FBXW7: variants seen among roughly 807,000 people sequenced by gnomAD.
FBXW7 encodes F-box/WD repeat-containing protein 7.
A neutral mutation model predicts 86.3 loss-of-function variants in FBXW7; 11 were observed. The observed-to-expected ratio is 0.13, with a 90% CI of 0.08 to 0.21. The LOEUF is 0.21. Among genes scored for constraint, FBXW7 ranks in the 10% least tolerant of loss-of-function variants. The pLI is 1.00. For synonymous variants in FBXW7, 313 were observed against 297.9 expected (o/e 1.05, Z -0.52); for missense variants, 488 against 847.4 (o/e 0.58, Z 5.27).
intron 2 of FBXW7, among the ~76,000 whole-genome samples, chr4:152,449,773 T>C (rs1741740757): frequency 6.6e-6 from 1 of 152,234 alleles, no homozygotes; most frequent in Non-Finnish European, 1.5e-5. Context: ...CCTTTGCCAA[T>C]AATGCACAAA....
chr4:152,494,665 T>C (rs1746158854), intron 2 of FBXW7, among the ~76,000 whole-genome samples: 1 of 152,100 alleles, frequency 6.6e-6, no homozygotes. Context: ...GGAGAGTCTA[T>C]GTAAGGATGC....
chr4:152,480,122 T>C (rs1043109994), intron 2 of FBXW7, among the ~76,000 whole-genome samples: 4 of 152,194 alleles, frequency 2.6e-5, no homozygotes, highest in African/African-American at 9.6e-5. Context: ...AAAATAATGG[T>C]TTGTGCAACC....
intron 2 of FBXW7, among the ~76,000 whole-genome samples, chr4:152,475,810 G>A (rs1744344104): frequency 6.6e-6 from 1 of 152,126 alleles, no homozygotes; most frequent in Admixed American, 6.5e-5. Context: ...TCTGCATGCT[G>A]AAAACTATAA....
intron 6 of FBXW7, among the ~76,000 whole-genome samples, chr4:152,340,222 G>A (rs181745836): frequency 1.9e-4 from 29 of 152,112 alleles, no homozygotes; most frequent in African/African-American, 6.3e-4. Flanking sequence ...AATTTAAAAC[G>A]TCTCAATTTA....
At chr4:152,399,584 C>CA (rs921001135) in intron 4 of FBXW7, among the ~76,000 whole-genome samples, 2 of 150,332 alleles carry the variant, frequency 1.3e-5, no homozygotes, top group African/African-American at 2.4e-5. Context: ...AAAAATTGAC[C>CA]AAAAAAAAGC....
chr4:152,400,229 C>T (rs953864828), intron 4 of FBXW7, among the ~76,000 whole-genome samples: 3 of 152,134 alleles, frequency 2.0e-5, no homozygotes, highest in African/African-American at 7.2e-5. Context: ...ACCGAACATC[C>T]ACATGCAAAT....
intron 2 of FBXW7, among the ~76,000 whole-genome samples, chr4:152,420,689 G>C (rs887644949): frequency 3.9e-5 from 6 of 152,146 alleles, no homozygotes; most frequent in African/African-American, 1.2e-4. Flanking sequence ...GAGTTCTTGG[G>C]TTACCAGGTG....
At chr4:152,477,122 T>C (rs1466842962) in intron 2 of FBXW7, among the ~76,000 whole-genome samples, 1 of 151,852 alleles carries the variant, frequency 6.6e-6, no homozygotes, top group Admixed American at 6.6e-5. Flanking sequence ...AAACTGTCCT[T>C]CAACTCCAAC....
intron 4 of FBXW7, among the ~76,000 whole-genome samples, chr4:152,399,063 C>G (rs141532706): frequency 6.6e-6 from 1 of 152,078 alleles, no homozygotes; most frequent in Non-Finnish European, 1.5e-5. Context: ...AAAATTTATC[C>G]CCAGCTTTTT....
chr4:152,471,270 G>C (rs1162635140), intron 2 of FBXW7, among the ~76,000 whole-genome samples: 5 of 151,664 alleles, frequency 3.3e-5, no homozygotes, highest in South Asian at 4.2e-4. Context: ...GATAAATACT[G>C]TCACGATATT....
chr4:152,508,469 C>T (rs1418806406), intron 2 of FBXW7, among the ~76,000 whole-genome samples: 2 of 151,976 alleles, frequency 1.3e-5, no homozygotes, highest in Non-Finnish European at 2.9e-5. Context: ...CACAGGATGG[C>T]TTGAGTCCAG....
intron 2 of FBXW7, among the ~76,000 whole-genome samples, chr4:152,459,007 T>C (rs1002007754): frequency 1.3e-5 from 2 of 152,314 alleles, no homozygotes; most frequent in East Asian, 1.9e-4. Context: ...CCAACTGATA[T>C]AACTTGTAGA....
chr4:152,411,283 A>C lies in FBXW7; in HGVS notation c.501+20T>G. The C allele has an allele frequency of 6.4e-7, 1 of 1,551,684 alleles. No individual in the cohort carries two copies. The highest frequency in any genetic ancestry group is 8.7e-7 in the Non-Finnish European group (1 of 1,147,534). On this transcript the variant is annotated intron_variant, in intron 4 of 13. Transcript: ENST00000281708. Reference sequence around the variant, plus strand: ...GATATGTAAAGTTTCTCAGGTTAACAATATATTGAATATACTCACTTTTGT... The same window carrying C: ...GATATGTAAAGTTTCTCAGGTTAACCATATATTGAATATACTCACTTTTGT...
At chr4:152,484,333 C>T (rs1355553869) in intron 2 of FBXW7, among the ~76,000 whole-genome samples, 2 of 151,874 alleles carry the variant, frequency 1.3e-5, no homozygotes, top group Non-Finnish European at 2.9e-5. Context: ...AAAAAGTAAC[C>T]ATCAGCCTTT....
intron 2 of FBXW7, among the ~76,000 whole-genome samples, chr4:152,499,611 C>T (rs945522172): frequency 6.6e-6 from 1 of 152,064 alleles, no homozygotes; most frequent in South Asian, 2.1e-4. Context: ...CGGTGATATC[C>T]CCCTCCTTCC....
chr4:152,475,192 G>A (rs1744285492), intron 2 of FBXW7, among the ~76,000 whole-genome samples: 1 of 151,554 alleles, frequency 6.6e-6, no homozygotes, highest in Non-Finnish European at 1.5e-5. Flanking sequence ...TGTAATCCCA[G>A]TACAAGTGGG....
At chr4:152,405,654 C>A (rs1737362114) in intron 4 of FBXW7, among the ~76,000 whole-genome samples, 1 of 152,148 alleles carries the variant, frequency 6.6e-6, no homozygotes, top group African/African-American at 2.4e-5. Context: ...GAAGCCCAAG[C>A]AAAAATGCTC....
chr4:152,514,527 A>G (rs542500202), intron 2 of FBXW7, among the ~76,000 whole-genome samples: 12 of 152,290 alleles, frequency 7.9e-5, no homozygotes, highest in African/African-American at 2.2e-4. Flanking sequence ...CTGATCCCCA[A>G]TGTTGAGGGT....
chr4:152,527,587 A>G (rs1196435541), intron 2 of FBXW7, among the ~76,000 whole-genome samples: 2 of 152,104 alleles, frequency 1.3e-5, no homozygotes, highest in South Asian at 2.1e-4. Flanking sequence ...TGGGCAATAT[A>G]GTGAGACCCT....
Sources: gnomAD v4.1 joint callset for allele counts (sites outside exome capture counted in the v4.1 genomes callset) on GRCh38, gnomAD v4.1.1 for gene constraint, MANE v1.5 for transcripts, NCBI Gene and HGNC (gene_info 2026-07-23, HGNC 2026-07-21) for gene names.